Variants in CHCHD3 observed in about 807,000 individuals in gnomAD.
The protein encoded by CHCHD3 is coiled-coil-helix-coiled-coil-helix domain containing 3.
In CHCHD3, 20 loss-of-function variants were observed where a neutral mutation model predicts 38.2. That is an observed-to-expected ratio of 0.52 (90% CI 0.37 to 0.76). The LOEUF is 0.76. CHCHD3 is among the 30% of genes least tolerant of loss of function. CHCHD3 has a pLI of 0.00. For synonymous variants in CHCHD3, 82 were observed against 100.0 expected (o/e 0.82, Z 1.07); for missense variants, 245 against 279.2 (o/e 0.88, Z 0.87).
intron 4 of CHCHD3, among the ~76,000 whole-genome samples, chr7:132,914,493 T>C (rs1235980888): frequency 6.6e-6 from 1 of 152,190 alleles, no homozygotes; most frequent in African/African-American, 2.4e-5. Flanking sequence ...TGTACATGAT[T>C]AATAGAAAAT....
At chr7:132,817,074 T>C (rs1201243587) in intron 6 of CHCHD3, among the ~76,000 whole-genome samples, 2 of 152,172 alleles carry the variant, frequency 1.3e-5, no homozygotes, top group Non-Finnish European at 2.9e-5. Context: ...AAAAGAAAGA[T>C]GGCGATTTCT....
intron 5 of CHCHD3, among the ~76,000 whole-genome samples, chr7:132,884,002 C>T (rs1041147362): frequency 6.6e-6 from 1 of 152,136 alleles, no homozygotes; most frequent in Non-Finnish European, 1.5e-5. Context: ...CTGGTCAGCT[C>T]TACCTTTAAA....
At chr7:133,014,125 C>T (rs2160896) in intron 3 of CHCHD3, among the ~76,000 whole-genome samples, 102,523 of 151,854 alleles carry the variant, frequency 0.68, 34,762 homozygotes, top group Admixed American at 0.72. Flanking sequence ...CTGTAATTTA[C>T]GGATTTTTAT....
chr7:132,857,444 G>C (rs371973353), intron 5 of CHCHD3, among the ~76,000 whole-genome samples: 3 of 152,234 alleles, frequency 2.0e-5, no homozygotes, highest in African/African-American at 7.2e-5. Flanking sequence ...TTCTGCTCTT[G>C]TTGCCCAGGC....
At chr7:132,978,067 A>G (rs1020243636) in intron 3 of CHCHD3, among the ~76,000 whole-genome samples, 1 of 152,170 alleles carries the variant, frequency 6.6e-6, no homozygotes, top group Non-Finnish European at 1.5e-5. Context: ...CTCATGGGTA[A>G]AATGAAATAG....
intron 4 of CHCHD3, among the ~76,000 whole-genome samples, chr7:132,899,331 T>C (rs948009141): frequency 6.6e-6 from 1 of 152,152 alleles, no homozygotes; most frequent in Non-Finnish European, 1.5e-5. Flanking sequence ...TGGGAAAATC[T>C]TAGCCAGGCT....
chr7:132,907,696 A>G (rs1003775048), intron 4 of CHCHD3, among the ~76,000 whole-genome samples: 4 of 152,198 alleles, frequency 2.6e-5, no homozygotes, highest in African/African-American at 9.7e-5. Flanking sequence ...TTTTGAGCAC[A>G]ATGGAAACAG....
chr7:132,850,640 C>A (rs1314193436), intron 5 of CHCHD3, among the ~76,000 whole-genome samples: 1 of 152,024 alleles, frequency 6.6e-6, no homozygotes, highest in African/African-American at 2.4e-5. Flanking sequence ...TATTTGTTCA[C>A]TTTTTTACTT....
intron 2 of CHCHD3, among the ~76,000 whole-genome samples, chr7:133,037,522 C>A (rs943787646): frequency 6.6e-6 from 1 of 152,136 alleles, no homozygotes; most frequent in African/African-American, 2.4e-5. Flanking sequence ...CAAAGAAATA[C>A]ATACATATAG....
chr7:132,914,018 G>A (rs1810036073), intron 4 of CHCHD3, among the ~76,000 whole-genome samples: 1 of 143,668 alleles, frequency 7.0e-6, no homozygotes, highest in Non-Finnish European at 1.5e-5. Flanking sequence ...GGAGTGCAAT[G>A]GCATGATCTT....
intron 6 of CHCHD3, among the ~76,000 whole-genome samples, chr7:132,822,961 G>A (rs932795966): frequency 1.3e-5 from 2 of 152,162 alleles, no homozygotes; most frequent in South Asian, 2.1e-4. Context: ...AAAAGAAGGC[G>A]TTGAATTTAT....
intron 4 of CHCHD3, among the ~76,000 whole-genome samples, chr7:132,888,114 T>C (rs966368708): frequency 3.3e-5 from 5 of 151,650 alleles, no homozygotes; most frequent in African/African-American, 9.7e-5. Context: ...ATAAAGGCAG[T>C]ATAACCTCTT....
intron 4 of CHCHD3, among the ~76,000 whole-genome samples, chr7:132,900,069 G>A (rs1400603006): frequency 6.6e-6 from 1 of 152,148 alleles, no homozygotes; most frequent in Non-Finnish European, 1.5e-5. Context: ...GCCTGACTTG[G>A]CACCAGCAGT....
intron 3 of CHCHD3, among the ~76,000 whole-genome samples, chr7:132,977,900 CA>C (rs1252394099): frequency 7.9e-5 from 12 of 152,022 alleles, no homozygotes; most frequent in African/African-American, 2.9e-4. Flanking sequence ...GAAAAAGAAG[CA>C]AAACATGAGC....
At chr7:132,829,450 G>T (rs1270754249) in intron 6 of CHCHD3, among the ~76,000 whole-genome samples, 1 of 152,022 alleles carries the variant, frequency 6.6e-6, no homozygotes, top group African/African-American at 2.4e-5. Context: ...GTTCCTGCTG[G>T]GGAAGACAGA....
intron 4 of CHCHD3, among the ~76,000 whole-genome samples, chr7:132,932,920 T>C (rs1006369009): frequency 3.9e-5 from 6 of 152,164 alleles, no homozygotes; most frequent in Non-Finnish European, 7.4e-5. Flanking sequence ...CATTTAGAGC[T>C]GGCTTTGAAG....
chr7:133,075,988 G>A lies in CHCHD3; in HGVS notation c.82-5759C>T, dbSNP rs113813861. 6.7e-3 allele frequency among the ~76,000 whole-genome samples: 972 copies of A among 145,992 alleles called. 7 individuals are homozygous for A. The highest frequency in any genetic ancestry group is 0.033 in the Middle Eastern group (9 of 270). Reference sequence around the variant, plus strand: ...GTAGGAAAATCGCTTGAACCCAGAAGGTGGAGGTTGCAATGAGCCGAGATC... The same window carrying A: ...GTAGGAAAATCGCTTGAACCCAGAAAGTGGAGGTTGCAATGAGCCGAGATC... On this transcript the variant is annotated intron_variant, in intron 1 of 7. Transcript: ENST00000262570.
intron 4 of CHCHD3, among the ~76,000 whole-genome samples, chr7:132,908,248 G>A (rs1007618492): frequency 7.2e-5 from 11 of 152,128 alleles, no homozygotes; most frequent in Admixed American, 3.9e-4. Flanking sequence ...GCAGGAAAAC[G>A]TAACTGGGAG....
At chr7:132,870,167 G>A (rs1163642269) in intron 5 of CHCHD3, among the ~76,000 whole-genome samples, 3 of 151,684 alleles carry the variant, frequency 2.0e-5, no homozygotes, top group African/African-American at 4.8e-5. Context: ...CTTGGGCAAC[G>A]TGGCAAAACC....
Sources: allele counts gnomAD v4.1 joint callset (sites outside exome capture counted in the v4.1 genomes callset), GRCh38; gene constraint gnomAD v4.1.1; transcripts MANE v1.5; gene names NCBI Gene and HGNC (gene_info 2026-07-23, HGNC 2026-07-21).